The following RHOD variants were observed in gnomAD, a reference collection of about 807,000 sequenced individuals.
RHOD encodes the protein rho-related GTP-binding protein RhoD.
In RHOD, 11 loss-of-function variants were observed where a neutral mutation model predicts 16.7. The observed-to-expected ratio is 0.66, with a 90% CI of 0.41 to 1.09. The LOEUF (loss-of-function observed/expected upper bound fraction) is 1.09. Among genes scored for constraint, RHOD ranks in the 50% least tolerant of loss-of-function variants. RHOD has a pLI of 0.00. For missense variants in RHOD, 271 were observed against 291.7 expected (o/e 0.93, Z 0.52); for synonymous variants, 124 against 126.3 (o/e 0.98, Z 0.12).
In RHOD at chr11:67,065,884, G is replaced by A. The variant is rs766513867; in HGVS notation, c.133-12G>A. The stretch of plus-strand genomic sequence containing the variant: ...GCCTCCTCACACCCTCCCCCGCCCT[G>A]CTTCTCCTCAGAGCTACACCCCCAC... On this transcript the variant is annotated splice_polypyrimidine_tract_variant and intron_variant, in intron 1 of 4. Transcript: ENST00000308831. The A allele has an allele frequency of 1.1e-5, 17 of 1,609,388 alleles. No homozygotes were observed. The Admixed American group carries it at 2.8e-4, about 27-fold the overall frequency.
intron 1 of RHOD, among the ~76,000 whole-genome samples, chr11:67,059,370 T>C (rs535686876): frequency 1.3e-5 from 2 of 152,074 alleles, no homozygotes; most frequent in Admixed American, 1.3e-4. Flanking sequence ...TGAAACCCCA[T>C]GTCTACCGAA....
At chr11:67,064,159 C>CA (rs1854929300) in intron 1 of RHOD, among the ~76,000 whole-genome samples, 1 of 144,214 alleles carries the variant, frequency 6.9e-6, no homozygotes, top group Non-Finnish European at 1.5e-5. Context: ...GTAATCCCAG[C>CA]ACTTTGGGAG....
At chr11:67,064,173 G>A (rs866329786) in intron 1 of RHOD, among the ~76,000 whole-genome samples, 2 of 146,238 alleles carry the variant, frequency 1.4e-5, no homozygotes, top group Admixed American at 6.9e-5. Context: ...TTGGGAGGCC[G>A]AGGCGGGTGG....
intron 4 of RHOD, 138 bp from the exon 5 acceptor site, chr11:67,071,297 C>A: frequency 1.6e-6 from 1 of 606,142 alleles, no homozygotes; most frequent in East Asian, 3.3e-5. Flanking sequence ...TGCATGAGGG[C>A]GCTTGGGCAA....
Position 67,071,583 on chromosome 11 carries a change from G to A in RHOD, c.614G>A (p.Gly205Asp). Residue 205 changes from glycine (G) to aspartate (D), a missense_variant, in exon 5 of 5, where the codon GGC becomes GAC. Physicochemically the swap from Gly to Asp is moderately conservative, Grantham distance 94. Coordinates refer to ENST00000308831, the MANE Select transcript of RHOD (RefSeq NM_014578.4). ...GRNFWRRITQGFCVVT is the reference protein window; with the variant it reads ...GRNFWRRITQDFCVVT ...AACTTCTGGCGGCGGATTACCCAGG[G>A]CTTTTGCGTGGTGACCTGAGCGGCT... 3.7e-6 allele frequency: 6 copies of A among 1,608,454 alleles called. No homozygotes were observed. The highest frequency in any genetic ancestry group is 2.2e-5 in the East Asian group (1 of 44,622).
Position 67,065,936 on chromosome 11 carries a change from T to G in RHOD, c.173T>G (p.Leu58Arg). The part of the protein sequence containing the change: ...PTVFERYMVN[L>R]QVKGKPVHLH... ...GTGTTTGAGCGGTACATGGTCAACC[T>G]GCAAGTGAAAGGCAAACCTGTGCAC... The change falls in exon 2 of 5, where the codon CTG becomes CGG. Residue 58 changes from leucine (L) to arginine (R), a missense_variant. Coordinates refer to ENST00000308831, the MANE Select transcript of RHOD (RefSeq NM_014578.4). 1.9e-6 allele frequency: 3 copies of G among 1,600,608 alleles called. No homozygotes were observed.
intron 1 of RHOD, among the ~76,000 whole-genome samples, chr11:67,061,290 A>T (rs938921986): frequency 6.6e-6 from 1 of 152,114 alleles, no homozygotes. Context: ...ACTTGAGGTC[A>T]GGAGGAGTCC....
chr11:67,060,318 G>A (rs1049603504), intron 1 of RHOD, among the ~76,000 whole-genome samples: 3 of 152,356 alleles, frequency 2.0e-5, no homozygotes, highest in Non-Finnish European at 2.9e-5. Flanking sequence ...AGTCATCTCC[G>A]TCCTGGTCCA....
intron 1 of RHOD, among the ~76,000 whole-genome samples, chr11:67,061,682 C>T (rs1157181116): frequency 1.5e-5 from 2 of 130,826 alleles, no homozygotes; most frequent in Non-Finnish European, 3.1e-5. Flanking sequence ...TGCAGTGAGC[C>T]GAGATCAGGC....
intron 1 of RHOD, among the ~76,000 whole-genome samples, chr11:67,059,416 G>A (rs182219401): frequency 1.1e-4 from 16 of 152,166 alleles, no homozygotes; most frequent in South Asian, 2.1e-4. Flanking sequence ...AGTGGCAGGC[G>A]CCTGTAATCC....
rs138324458 is a variant in RHOD at position 67,063,671 on chromosome 11, T to C, written c.133-2225T>C. 2.7e-3 allele frequency among the ~76,000 whole-genome samples: 405 copies of C among 150,568 alleles called. 2 individuals carry two copies. The highest frequency in any genetic ancestry group is 4.8e-3 in the Non-Finnish European group (326 of 67,684). ...AAAATTAGCCAGGTGTGCTGGCGTG[T>C]GCTTGTAATCCCAGCTACTCACAAG... On this transcript the variant is annotated intron_variant, in intron 1 of 4. Transcript: ENST00000308831.
intron 3 of RHOD, among the ~76,000 whole-genome samples, chr11:67,068,100 GGGA>G (rs1315739328): frequency 6.6e-6 from 1 of 152,098 alleles, no homozygotes; most frequent in East Asian, 1.9e-4. Context: ...CGCCCAGCCT[GGGA>G]GGAGTTTTTA....
intron 1 of RHOD, among the ~76,000 whole-genome samples, chr11:67,057,745 A>G (rs1854831333): frequency 6.6e-6 from 1 of 152,124 alleles, no homozygotes; most frequent in African/African-American, 2.4e-5. Context: ...CAGTTTCCTC[A>G]CAACAACCCC....
Position 67,066,855 on chromosome 11 carries a change from C to G in RHOD, c.330+8C>G. 4 of 1,590,888 alleles carry G rather than the reference C, an allele frequency of 2.5e-6. No individual in the cohort carries two copies. Among genetic ancestry groups the G allele is most frequent in the Non-Finnish European group, 3.5e-6 (4 of 1,159,028 alleles). ...GACAACATCTTTAACCGGGTAGGTACTGGGGGGCAGGGAGGCATAGCCCCC... is the reference window on the plus strand; with the variant it reads ...GACAACATCTTTAACCGGGTAGGTAGTGGGGGGCAGGGAGGCATAGCCCCC... On this transcript the variant is annotated splice_region_variant and intron_variant, in intron 3 of 4. Transcript: ENST00000308831.
chr11:67,059,135 G>A (rs1394961252), intron 1 of RHOD, among the ~76,000 whole-genome samples: 5 of 152,210 alleles, frequency 3.3e-5, no homozygotes, highest in Non-Finnish European at 5.9e-5. Flanking sequence ...GGGCTGGCCA[G>A]AAATGGGGGG....
chr11:67,063,535 T>C (rs574283320), intron 1 of RHOD, among the ~76,000 whole-genome samples: 2,104 of 135,862 alleles, frequency 0.015, 26 homozygotes, highest in Non-Finnish European at 0.022. Context: ...TGGTGGCTCA[T>C]GCCTGTAATC....
chr11:67,068,552 C>T (rs573996342), intron 3 of RHOD, among the ~76,000 whole-genome samples: 1 of 152,190 alleles, frequency 6.6e-6, no homozygotes, highest in South Asian at 2.1e-4. Context: ...TAGCTCACGC[C>T]TTGTAATCCC....
intron 3 of RHOD, among the ~76,000 whole-genome samples, chr11:67,068,035 G>A (rs1478220270): frequency 2.0e-5 from 3 of 152,046 alleles, no homozygotes; most frequent in African/African-American, 4.8e-5. Flanking sequence ...TCCTGACCTC[G>A]TGATCCGCCC....
Position 67,071,551 on chromosome 11 carries a change from C to A in RHOD, c.582C>A (p.Arg194=). The A allele has an allele frequency of 6.2e-7, 1 of 1,611,828 alleles. No homozygotes were observed. Among genetic ancestry groups the A allele is most frequent in the African/African-American group, 1.3e-5 (1 of 75,002 alleles). Residue 194 remains arginine (R), a synonymous_variant, in exon 5 of 5, where the codon CGC becomes CGA. Coordinates refer to ENST00000308831, the MANE Select transcript of RHOD (RefSeq NM_014578.4). ...CCGCCGAGGTGGCCCTCAGCAGCCG[C>A]GGTCGCAACTTCTGGCGGCGGATTA... ...QEAAEVALSS[R]GRNFWRRITQ... is the part of the protein sequence containing the mutation.
Sources: gnomAD v4.1 joint callset for allele counts (sites outside exome capture counted in the v4.1 genomes callset) on GRCh38, gnomAD v4.1.1 for gene constraint, MANE v1.5 for transcripts, NCBI Gene and HGNC (gene_info 2026-07-23, HGNC 2026-07-21) for gene names.